The following ANKRD31 variants were observed in gnomAD, a reference collection of about 807,000 sequenced individuals.
The protein encoded by ANKRD31 is ankyrin repeat domain 31.
ANKRD31 carries 147 observed loss-of-function variants against 186.0 expected under a neutral mutation model. The observed-to-expected ratio is 0.79, with a 90% CI of 0.69 to 0.91. ANKRD31 has a LOEUF of 0.91. Among genes scored for constraint, ANKRD31 ranks in the 40% least tolerant of loss-of-function variants. The pLI is 0.00. For missense variants in ANKRD31, 1,986 were observed against 2,148.8 expected (o/e 0.92, Z 1.50); for synonymous variants, 673 against 736.4 (o/e 0.91, Z 1.39).
chr5:75,110,854 C>T (rs940637313), intron 20 of ANKRD31, among the ~76,000 whole-genome samples: 12 of 147,938 alleles, frequency 8.1e-5, no homozygotes, highest in Non-Finnish European at 1.5e-4. Context: ...CTGCTAGTAG[C>T]ATCAGTATTT....
intron 24 of ANKRD31, among the ~76,000 whole-genome samples, chr5:75,083,548 G>T (rs1173467939): frequency 6.6e-6 from 1 of 152,118 alleles, no homozygotes; most frequent in African/African-American, 2.4e-5. Flanking sequence ...GGCTAACATG[G>T]TGAAACCCCG....
intron 3 of ANKRD31, among the ~76,000 whole-genome samples, chr5:75,217,341 G>A (rs62369197): frequency 1.3e-5 from 2 of 152,032 alleles, no homozygotes; most frequent in Admixed American, 1.3e-4. Flanking sequence ...CCAGTATTAT[G>A]GTGTGGGAGT....
At chr5:75,150,680 G>A (rs1751779801) in intron 12 of ANKRD31, among the ~76,000 whole-genome samples, 2 of 151,944 alleles carry the variant, frequency 1.3e-5, no homozygotes. Context: ...CACTGGTGAA[G>A]AGGGTATTCT....
chr5:75,111,367 C>T (rs1007318852), intron 20 of ANKRD31, among the ~76,000 whole-genome samples: 1 of 151,990 alleles, frequency 6.6e-6, no homozygotes, highest in Non-Finnish European at 1.5e-5. Context: ...ATGCAAAAGA[C>T]ATTACAAATA....
chr5:75,167,562 C>A (rs16872434), intron 11 of ANKRD31, among the ~76,000 whole-genome samples: 5,153 of 152,290 alleles, frequency 0.034, 280 homozygotes, highest in African/African-American at 0.12. Flanking sequence ...GTGCCAAGAG[C>A]ATATGAACCA....
intron 2 of ANKRD31, among the ~76,000 whole-genome samples, chr5:75,222,666 C>T (rs1195458425): frequency 6.6e-6 from 1 of 152,042 alleles, no homozygotes; most frequent in Non-Finnish European, 1.5e-5. Flanking sequence ...GTGTTCTCAA[C>T]GTTCAACTCC....
chr5:75,136,564 T>C (rs1750594326), intron 17 of ANKRD31, among the ~76,000 whole-genome samples: 1 of 152,198 alleles, frequency 6.6e-6, no homozygotes, highest in South Asian at 2.1e-4. Flanking sequence ...ACACCATTGG[T>C]GGGACTGTAA....
intron 22 of ANKRD31, among the ~76,000 whole-genome samples, chr5:75,099,889 A>G (rs1315643873): frequency 6.6e-6 from 1 of 152,034 alleles, no homozygotes; most frequent in Non-Finnish European, 1.5e-5. Context: ...GAATTCATTG[A>G]TTTTTTGAAT....
chr5:75,216,705 T>C (rs1327365194), intron 3 of ANKRD31, among the ~76,000 whole-genome samples: 4 of 152,164 alleles, frequency 2.6e-5, no homozygotes, highest in African/African-American at 7.2e-5. Context: ...TGTCAGTTTC[T>C]GCTACTAAAA....
Position 75,230,580 on chromosome 5 carries a change from T to C in ANKRD31, c.160A>G (p.Thr54Ala), listed in dbSNP as rs1216239624. The change falls in exon 2 of 26, where the codon ACA becomes GCA. Residue 54 changes from threonine to alanine, a missense_variant. Physicochemically the swap from Thr to Ala is moderately conservative, Grantham distance 58. Coordinates refer to ENST00000506364, the MANE Select transcript of ANKRD31 (RefSeq NM_001372053.1). ...LKSEFSLHPDTRGMCKGMPSP... is the reference protein window; with the variant it reads ...LKSEFSLHPDARGMCKGMPSP... ...TTCTCACCTTTGCACATTCCTCTTG[T>C]ATCAGGATGCAGACTGAACTCAGAT... 2.6e-6 allele frequency: 4 copies of C among 1,536,756 alleles called. No individual in the cohort carries two copies. The highest frequency in any genetic ancestry group is 2.6e-6 in the Non-Finnish European group (3 of 1,146,560).
At chr5:75,171,738 CA>C (rs1168162572) in intron 10 of ANKRD31, among the ~76,000 whole-genome samples, 1 of 150,540 alleles carries the variant, frequency 6.6e-6, no homozygotes, top group Non-Finnish European at 1.5e-5. Context: ...TAAGATGGAA[CA>C]GAAAATCTGA....
chr5:75,211,997 C>T (rs1756680059), intron 3 of ANKRD31, among the ~76,000 whole-genome samples: 1 of 152,074 alleles, frequency 6.6e-6, no homozygotes, highest in Non-Finnish European at 1.5e-5. Flanking sequence ...TCTAACTTAT[C>T]TATTTTTTCT....
chr5:75,218,216 A>G (rs1178733747), intron 3 of ANKRD31, among the ~76,000 whole-genome samples: 1 of 152,156 alleles, frequency 6.6e-6, no homozygotes, highest in Non-Finnish European at 1.5e-5. Context: ...ATAAGGAAGA[A>G]AAGAGAGAAG....
intron 17 of ANKRD31, 74 bp from the exon 18 acceptor site, chr5:75,118,371 A>G: frequency 1.6e-6 from 2 of 1,224,714 alleles, no homozygotes; most frequent in Non-Finnish European, 2.1e-6. Context: ...CACAAACACC[A>G]CTGCCAAGCA....
At chr5:75,189,611 T>C (rs1346211281) in intron 9 of ANKRD31, among the ~76,000 whole-genome samples, 1 of 152,218 alleles carries the variant, frequency 6.6e-6, no homozygotes, top group Admixed American at 6.5e-5. Flanking sequence ...ATTGCATGCT[T>C]ACCATAATCA....
chr5:75,228,066 T>C (rs1242321016), intron 2 of ANKRD31, among the ~76,000 whole-genome samples: 1 of 152,268 alleles, frequency 6.6e-6, no homozygotes, highest in Non-Finnish European at 1.5e-5. Context: ...GCTGCTTTAC[T>C]GCACATAAAG....
intron 7 of ANKRD31, among the ~76,000 whole-genome samples, chr5:75,194,842 G>C (rs1279747395): frequency 6.6e-6 from 1 of 152,052 alleles, no homozygotes; most frequent in African/African-American, 2.4e-5. Context: ...ATTGGAGAGA[G>C]ATACACCAAA....
chr5:75,181,484 C>T (rs1407480356), intron 10 of ANKRD31, among the ~76,000 whole-genome samples: 6 of 152,156 alleles, frequency 3.9e-5, no homozygotes. Flanking sequence ...TGGAACCAAC[C>T]TAAATGTCCA....
rs767237264 is a variant in ANKRD31 at position 75,145,977 on chromosome 5, T to A, written c.3424+10A>T. 306 of 1,448,716 alleles carry A rather than the reference T, an allele frequency of 2.1e-4. No homozygotes were observed. The highest frequency in any genetic ancestry group is 2.5e-4 in the Non-Finnish European group (277 of 1,103,068). The allele number at this position is 1,448,716 out of a possible 1,614,324, so 89.7% of individuals were successfully genotyped here. On this transcript the variant is annotated intron_variant, in intron 14 of 25. Coordinates refer to ENST00000506364, the MANE Select transcript of ANKRD31 (RefSeq NM_001372053.1). ...GGAAATATGTACAGATTAAGCAATA[T>A]TACTAATACCTGGTTTGTGAGAAAT...
Sources: allele counts gnomAD v4.1 joint callset (sites outside exome capture counted in the v4.1 genomes callset), GRCh38; gene constraint gnomAD v4.1.1; transcripts MANE v1.5; gene names NCBI Gene and HGNC (gene_info 2026-07-23, HGNC 2026-07-21).